PSD3: variants seen among roughly 807,000 people sequenced by gnomAD.
PSD3 encodes the protein pleckstrin and Sec7 domain containing 3, also known as PH and SEC7 domain-containing protein 3.
A neutral mutation model predicts 105.5 loss-of-function variants in PSD3; 49 were observed. The observed-to-expected ratio is 0.46, with a 90% CI of 0.37 to 0.59. The LOEUF (loss-of-function observed/expected upper bound fraction) is 0.59, where lower values mean the gene tolerates loss of function less well. Ranked by LOEUF, PSD3 falls within the 20% of genes least tolerant of loss-of-function variation. PSD3 has a pLI of 0.00. For synonymous variants in PSD3, 557 were observed against 457.8 expected (o/e 1.22, Z -2.77); for missense variants, 1,561 against 1,263.8 (o/e 1.24, Z -3.57).
chr8:18,840,349 G>C (rs1356934198), intron 4 of PSD3, among the ~76,000 whole-genome samples: 8 of 152,134 alleles, frequency 5.3e-5, no homozygotes, highest in Non-Finnish European at 1.2e-4. Context: ...GACCTGAAGG[G>C]GGTTGGTAGG....
intron 12 of PSD3, among the ~76,000 whole-genome samples, chr8:18,576,612 C>A (rs1802476002): frequency 6.6e-6 from 1 of 152,104 alleles, no homozygotes; most frequent in Admixed American, 6.6e-5. Context: ...AAATTTTCAT[C>A]AGAGTAGGAA....
At chr8:18,731,515 T>A (rs1027280900) in intron 9 of PSD3, among the ~76,000 whole-genome samples, 1 of 152,182 alleles carries the variant, frequency 6.6e-6, no homozygotes, top group African/African-American at 2.4e-5. Flanking sequence ...TCTTTTTTAA[T>A]CAACTGTTTA....
chr8:18,763,265 T>C (rs571287022), intron 9 of PSD3, among the ~76,000 whole-genome samples: 1 of 152,192 alleles, frequency 6.6e-6, no homozygotes, highest in Non-Finnish European at 1.5e-5. Flanking sequence ...CTATATATGA[T>C]TATGAGGAAA....
At chr8:18,923,076 A>C (rs2129467557) in intron 2 of PSD3, among the ~76,000 whole-genome samples, 1 of 152,288 alleles carries the variant, frequency 6.6e-6, no homozygotes, top group African/African-American at 2.4e-5. Context: ...ATGGGACTGA[A>C]AGTCTCAACC....
chr8:18,837,768 G>A (rs7812542), intron 4 of PSD3, among the ~76,000 whole-genome samples: 10,666 of 152,012 alleles, frequency 0.07, 733 homozygotes, highest in African/African-American at 0.17. Flanking sequence ...ACAAGACCCC[G>A]TCCCTATATA....
chr8:18,539,288 C>T (rs1281001942), intron 15 of PSD3, among the ~76,000 whole-genome samples: 1 of 152,190 alleles, frequency 6.6e-6, no homozygotes, highest in Non-Finnish European at 1.5e-5. Flanking sequence ...GAATGATGCT[C>T]TGGAGAGCAA....
chr8:18,547,814 T>G (rs773332037), intron 15 of PSD3, among the ~76,000 whole-genome samples: 15 of 152,218 alleles, frequency 9.9e-5, no homozygotes, highest in Non-Finnish European at 1.9e-4. Flanking sequence ...TTGAGATTCA[T>G]GTACCTGGAT....
At chr8:18,640,160 C>A (rs1807537255) in intron 10 of PSD3, among the ~76,000 whole-genome samples, 1 of 152,084 alleles carries the variant, frequency 6.6e-6, no homozygotes, top group Non-Finnish European at 1.5e-5. Flanking sequence ...TTGATATAGA[C>A]CAATACAAAA....
At chr8:18,902,216 C>T (rs1236353313) in intron 2 of PSD3, among the ~76,000 whole-genome samples, 1 of 152,198 alleles carries the variant, frequency 6.6e-6, no homozygotes, top group African/African-American at 2.4e-5. Flanking sequence ...TGGTGTCCCA[C>T]AAGTCTTATA....
chr8:18,566,436 G>A (rs1158855114), intron 14 of PSD3, among the ~76,000 whole-genome samples: 2 of 150,966 alleles, frequency 1.3e-5, no homozygotes, highest in Non-Finnish European at 2.9e-5. Context: ...TGAGGCAGGA[G>A]AATGGCATGA....
At chr8:18,574,294 T>C (rs1399497847) in intron 13 of PSD3, among the ~76,000 whole-genome samples, 3 of 152,212 alleles carry the variant, frequency 2.0e-5, no homozygotes, top group Admixed American at 1.3e-4. Context: ...CCATTATTAT[T>C]TCAATGGACT....
At chr8:18,918,217 G>A (rs749343555) in intron 2 of PSD3, among the ~76,000 whole-genome samples, 3 of 152,152 alleles carry the variant, frequency 2.0e-5, no homozygotes, top group Non-Finnish European at 4.4e-5. Context: ...ACCAAGCCAT[G>A]GTCTGCACAA....
intron 9 of PSD3, among the ~76,000 whole-genome samples, chr8:18,754,147 G>A (rs1000799727): frequency 5.3e-5 from 8 of 152,206 alleles, no homozygotes; most frequent in African/African-American, 1.9e-4. Context: ...ACTTTGGGAA[G>A]CCGAGGTGGG....
At chr8:18,624,765 G>A (rs1420452521) in intron 11 of PSD3, among the ~76,000 whole-genome samples, 1 of 151,188 alleles carries the variant, frequency 6.6e-6, no homozygotes. Context: ...TCCTTTATTG[G>A]TAATATGCTA....
At chr8:18,896,301 C>T (rs965608733) in intron 2 of PSD3, among the ~76,000 whole-genome samples, 2 of 152,214 alleles carry the variant, frequency 1.3e-5, no homozygotes, top group African/African-American at 4.8e-5. Context: ...AGATCTTCAA[C>T]ATACTGATTT....
chr8:18,798,291 G>A (rs895841334), intron 8 of PSD3, among the ~76,000 whole-genome samples: 3 of 151,900 alleles, frequency 2.0e-5, no homozygotes, highest in African/African-American at 4.8e-5. Flanking sequence ...TCTTATATAT[G>A]GCAAAAGGAA....
intron 1 of PSD3, among the ~76,000 whole-genome samples, chr8:18,961,951 G>A (rs1823954585): frequency 1.3e-5 from 2 of 151,980 alleles, no homozygotes; most frequent in East Asian, 1.9e-4. Flanking sequence ...CTATGACATC[G>A]GCTTTCACTT....
Position 18,766,889 on chromosome 8 carries a change from C to T in PSD3, c.2083-1351G>A, listed in dbSNP as rs556270758. On this transcript the variant is annotated intron_variant, in intron 8 of 15. Coordinates refer to ENST00000327040, the MANE Select transcript of PSD3 (RefSeq NM_015310.4). ...GGAGAGAAACCCTAACCTTCAGGAG[C>T]TGGAATCTTTAATCATGGGAAATAC... is the stretch of plus-strand genomic sequence containing the variant. Among the ~76,000 whole-genome samples, 3 of 152,312 alleles carry T rather than the reference C, an allele frequency of 2.0e-5. No individual in the cohort carries two copies. The South Asian group carries it at 6.2e-4, about 32-fold the overall frequency.
intron 8 of PSD3, among the ~76,000 whole-genome samples, chr8:18,788,894 C>T (rs1161699491): frequency 1.3e-5 from 2 of 152,152 alleles, no homozygotes; most frequent in African/African-American, 4.8e-5. Flanking sequence ...ATGCTGCCCT[C>T]AGGTGTCCAT....
Sources: gnomAD v4.1 joint callset for allele counts (sites outside exome capture counted in the v4.1 genomes callset) on GRCh38, gnomAD v4.1.1 for gene constraint, MANE v1.5 for transcripts, NCBI Gene and HGNC (gene_info 2026-07-23, HGNC 2026-07-21) for gene names.